ADGRG6: variants seen among roughly 807,000 people sequenced by gnomAD.
ADGRG6 encodes the protein adhesion G protein-coupled receptor G6.
Under a neutral mutation model 142.4 loss-of-function variants are expected in ADGRG6, and 84 were observed. The observed-to-expected ratio is 0.59, with a 90% CI of 0.49 to 0.71. The LOEUF (loss-of-function observed/expected upper bound fraction) is 0.71. ADGRG6 is among the 30% of genes least tolerant of loss of function. The pLI, the probability that ADGRG6 is intolerant of heterozygous loss-of-function variation, is 0.00. For missense variants in ADGRG6, 1,367 were observed against 1,466.6 expected (o/e 0.93, Z 1.11); for synonymous variants, 521 against 520.5 (o/e 1.00, Z -0.01).
chr6:142,405,345 A>C, intron 14 of ADGRG6: 1 of 464,942 alleles, frequency 2.2e-6, no homozygotes, highest in Non-Finnish European at 4.3e-6. Context: ...TCCCATAGTT[A>C]TTATCTTTCA....
chr6:142,430,496 C>G (rs1777158625), intron 22 of ADGRG6, among the ~76,000 whole-genome samples: 1 of 152,088 alleles, frequency 6.6e-6, no homozygotes, highest in Non-Finnish European at 1.5e-5. Context: ...TGAGAACATC[C>G]CTTTGGCTAC....
In ADGRG6 at chr6:142,370,695, A is replaced by T; in HGVS notation, c.971A>T (p.Asn324Ile). The T allele has an allele frequency of 1.2e-6, 2 of 1,613,622 alleles. No individual in the cohort carries two copies. Among genetic ancestry groups the T allele is most frequent in the Non-Finnish European group, 1.7e-6 (2 of 1,179,660 alleles). The change falls in exon 4 of 25, where the codon AAC becomes ATC. Residue 324 changes from asparagine to isoleucine, a missense_variant. Transcript: ENST00000367609. ...ACCATGAATGCCAAAATCCTCTCCA[A>T]CCTCAGCTGTAATGTGAAAGGGAAT... ...NFTMNAKILS[N>I]LSCNVKGNVV...
chr6:142,303,427 C>A (rs1342733803), intron 1 of ADGRG6, among the ~76,000 whole-genome samples: 4 of 152,164 alleles, frequency 2.6e-5, no homozygotes, highest in Non-Finnish European at 4.4e-5. Flanking sequence ...GGATAGTGCC[C>A]ACAAGCCTAG....
intron 2 of ADGRG6, among the ~76,000 whole-genome samples, chr6:142,337,288 C>T (rs1169877063): frequency 6.6e-6 from 1 of 152,118 alleles, no homozygotes; most frequent in African/African-American, 2.4e-5. Context: ...GAGTTTCCAC[C>T]TATTGGAAGC....
rs1777949308 is a variant in ADGRG6, at chr6:142,445,818, ACT to A, written c.*2308_*2309del. 1 of 151,510 alleles carries A rather than the reference ACT, an allele frequency of 6.6e-6. No homozygotes were observed. Among genetic ancestry groups the A allele is most frequent in the Non-Finnish European group, 1.5e-5 (1 of 67,876 alleles). The allele number at this position is 151,510 out of a possible 1,614,324, so 9.4% of individuals were successfully genotyped here. On this transcript the variant is annotated 3_prime_UTR_variant, in exon 25 of 25. Coordinates refer to ENST00000367609, the MANE Select transcript of ADGRG6 (RefSeq NM_198569.3). ...ACCTTTGAGAATAGCATCAATTCAG[ACT>A]CTCTTTTCATTATGTTTTCTTTTCT...
intron 2 of ADGRG6, among the ~76,000 whole-genome samples, chr6:142,367,034 C>T (rs1226028155): frequency 6.6e-6 from 1 of 152,098 alleles, no homozygotes; most frequent in East Asian, 1.9e-4. Context: ...CAGAAGATAG[C>T]TCATTATTTT....
At chr6:142,355,749 G>A (rs1399611336) in intron 2 of ADGRG6, among the ~76,000 whole-genome samples, 1 of 151,902 alleles carries the variant, frequency 6.6e-6, no homozygotes, top group Non-Finnish European at 1.5e-5. Flanking sequence ...CTTCTGTAAG[G>A]CTTGCCTGCA....
At chr6:142,373,451 G>T (rs1781349944) in intron 4 of ADGRG6, among the ~76,000 whole-genome samples, 1 of 152,126 alleles carries the variant, frequency 6.6e-6, no homozygotes, top group Non-Finnish European at 1.5e-5. Context: ...GTATGATTCA[G>T]TTTTACAGGG....
intron 3 of ADGRG6, among the ~76,000 whole-genome samples, chr6:142,368,867 T>A (rs1167156730): frequency 1.3e-5 from 2 of 152,142 alleles, no homozygotes; most frequent in Admixed American, 6.5e-5. Context: ...CCTATACAAA[T>A]GCCACCCAGC....
intron 2 of ADGRG6, among the ~76,000 whole-genome samples, chr6:142,313,673 A>G (rs867990719): frequency 6.6e-6 from 1 of 152,274 alleles, no homozygotes; most frequent in Middle Eastern, 3.4e-3. Flanking sequence ...GTGTAAAAAG[A>G]ATCTTGTGCT....
Position 142,302,249 on chromosome 6 carries a change from G to C in ADGRG6, c.-81G>C, listed in dbSNP as rs1777257756. ...GGCTGGGGCGCCTGGGTTCCCCCTG[G>C]GTGGAGCAGCGGCAGCAGAGCGGGA... On this transcript the variant is annotated 5_prime_UTR_variant, in exon 1 of 25. Transcript: ENST00000367609. The C allele has an allele frequency of 6.4e-7, 1 of 1,558,520 alleles. No homozygotes were observed. Among genetic ancestry groups the C allele is most frequent in the Non-Finnish European group, 8.8e-7 (1 of 1,141,142 alleles).
intron 2 of ADGRG6, among the ~76,000 whole-genome samples, chr6:142,327,736 A>C (rs1218248793): frequency 1.3e-5 from 2 of 151,956 alleles, no homozygotes; most frequent in Non-Finnish European, 2.9e-5. Flanking sequence ...TTACTCCTCC[A>C]CTTTTTTACA....
intron 2 of ADGRG6, among the ~76,000 whole-genome samples, chr6:142,357,312 T>C (rs996287040): frequency 2.6e-5 from 4 of 152,256 alleles, no homozygotes; most frequent in African/African-American, 9.6e-5. Flanking sequence ...AAGCTAACAT[T>C]TTATAAATAC....
chr6:142,382,423 T>C (rs939049625), intron 5 of ADGRG6, among the ~76,000 whole-genome samples: 1 of 152,316 alleles, frequency 6.6e-6, no homozygotes, highest in East Asian at 1.9e-4. Flanking sequence ...GACTATTCAG[T>C]TAACTTTAAG....
At chr6:142,318,091 A>ATATTATATAT (rs1778247642) in intron 2 of ADGRG6, among the ~76,000 whole-genome samples, 1 of 11,434 alleles carries the variant, frequency 8.7e-5, no homozygotes, top group Non-Finnish European at 1.8e-4. Context: ...ATATATTTAT[A>ATATTATATAT]TTATATATAT....
rs1777589005 is a variant in ADGRG6 at position 142,438,362 on chromosome 6, C to A, written c.3572C>A (p.Thr1191Lys). The change falls in exon 24 of 25, where the codon ACA becomes AAA. Residue 1191 changes from threonine (T) to lysine (K), a missense_variant and splice_region_variant. Around this residue, in one of 3 missense-constraint regions of ADGRG6, gnomAD observed 344 missense variants for 348.7 expected, o/e 0.99. Transcript: ENST00000367609. ...STTYFKRNSH[T>K]DSASMDKSLS... ...ACCTATTTCAAAAGGAATAGCCACA[C>A]AGGTGAGTCTAAAGATGTCCTCAAG... 1.2e-6 allele frequency: 2 copies of A among 1,600,922 alleles called. No homozygotes were observed. The highest frequency in any genetic ancestry group is 1.7e-5 in the Admixed American group (1 of 58,066).
At chr6:142,390,445 A>G (rs1365788134) in intron 7 of ADGRG6, 102 bp downstream of exon 7, 68 of 595,258 alleles carry the variant, frequency 1.1e-4, no homozygotes. Flanking sequence ...TGAAACACAG[A>G]TGGTATTCAT....
At chr6:142,304,694 G>T (rs1777397226) in intron 1 of ADGRG6, among the ~76,000 whole-genome samples, 1 of 152,162 alleles carries the variant, frequency 6.6e-6, no homozygotes, top group South Asian at 2.1e-4. Context: ...CTGATGGGAT[G>T]ATTTTTAATC....
intron 22 of ADGRG6, among the ~76,000 whole-genome samples, chr6:142,431,759 T>C (rs1234002527): frequency 1.3e-5 from 2 of 151,892 alleles, no homozygotes; most frequent in South Asian, 2.1e-4. Context: ...CCCGCCTCTA[T>C]TAAAAATACA....
Sources: allele counts gnomAD v4.1 joint callset (sites outside exome capture counted in the v4.1 genomes callset), GRCh38; gene constraint gnomAD v4.1.1; regional missense constraint gnomAD v4.1.1; transcripts MANE v1.5; gene names NCBI Gene and HGNC (gene_info 2026-07-23, HGNC 2026-07-21).